The following NAV2 variants were observed in gnomAD, a reference collection of about 807,000 sequenced individuals.
NAV2 encodes helicase, APC down-regulated 1.
Under a neutral mutation model 223.2 loss-of-function variants are expected in NAV2, and 54 were observed. The ratio of observed to expected loss-of-function variants is 0.24; its 90% confidence interval spans 0.19 to 0.30. The LOEUF (loss-of-function observed/expected upper bound fraction) is 0.30. Ranked by LOEUF, NAV2 falls within the 10% of genes least tolerant of loss-of-function variation. The pLI, the probability that NAV2 is intolerant of heterozygous loss-of-function variation, is 1.00. For synonymous variants in NAV2, 1,279 were observed against 1,239.3 expected (o/e 1.03, Z -0.67); for missense variants, 2,806 against 3,147.5 (o/e 0.89, Z 2.60).
At chr11:19,884,331 C>G in intron 5 of NAV2, 1 of 1,614,078 alleles carries the variant, frequency 6.2e-7, no homozygotes, top group South Asian at 1.1e-5. Context: ...CAAAATCATC[C>G]GCTTCACTCT....
chr11:19,886,345 G>A (rs757502020), intron 5 of NAV2, among the ~76,000 whole-genome samples: 12 of 152,184 alleles, frequency 7.9e-5, no homozygotes, highest in South Asian at 2.1e-4. Flanking sequence ...CCTGGCTGGC[G>A]AGGGGAGAAA....
At chr11:19,667,506 G>C (rs2048448884) in intron 1 of NAV2, among the ~76,000 whole-genome samples, 1 of 152,226 alleles carries the variant, frequency 6.6e-6, no homozygotes, top group Admixed American at 6.5e-5. Context: ...AGACAATTCA[G>C]TTGGTGTGTT....
chr11:19,741,977 A>T (rs1285656279), intron 1 of NAV2, among the ~76,000 whole-genome samples: 1 of 150,936 alleles, frequency 6.6e-6, no homozygotes, highest in East Asian at 2.0e-4. Flanking sequence ...TTCAGGGGTT[A>T]CCTTTTCTCC....
At chr11:19,956,179 G>A (rs2047843078) in intron 10 of NAV2, among the ~76,000 whole-genome samples, 1 of 151,932 alleles carries the variant, frequency 6.6e-6, no homozygotes, top group African/African-American at 2.4e-5. Flanking sequence ...GCCAATGAAT[G>A]GAAAGTCTCT....
chr11:20,062,780 C>T (rs1410092636), intron 20 of NAV2, among the ~76,000 whole-genome samples: 4 of 152,232 alleles, frequency 2.6e-5, no homozygotes, highest in African/African-American at 7.2e-5. Context: ...CTGCAACCTC[C>T]GCCTCCTGGG....
In NAV2 at chr11:19,462,957, A is replaced by T. The variant is rs114773839; in HGVS notation, c.75+111930A>T. Among the ~76,000 whole-genome samples the T allele has an allele frequency of 8.2e-3, 1,255 of 152,260 alleles. 21 individuals are homozygous for T. The highest frequency in any genetic ancestry group is 0.029 in the African/African-American group (1,190 of 41,554). ...CCAAAATTTGGCACTTTCTGGGCTG[A>T]GGTATTCAGTATAGTATTCAGAGGA... is the stretch of plus-strand genomic sequence containing the variant. On this transcript the variant is annotated intron_variant, in intron 1 of 37. Transcript: ENST00000360655.
chr11:19,447,766 T>C (rs1230763216), intron 1 of NAV2, among the ~76,000 whole-genome samples: 1 of 152,196 alleles, frequency 6.6e-6, no homozygotes, highest in African/African-American at 2.4e-5. Flanking sequence ...CTGGGTTGAC[T>C]TGTAAGACGT....
At chr11:19,883,096 G>A (rs1012143744) in intron 5 of NAV2, among the ~76,000 whole-genome samples, 4 of 152,134 alleles carry the variant, frequency 2.6e-5, no homozygotes, top group African/African-American at 7.2e-5. Flanking sequence ...GTCAAATGTT[G>A]ATGCAAACCC....
chr11:19,558,053 C>T (rs1344834857), intron 1 of NAV2, among the ~76,000 whole-genome samples: 2 of 152,136 alleles, frequency 1.3e-5, no homozygotes, highest in Non-Finnish European at 2.9e-5. Flanking sequence ...TGCTTATAAA[C>T]GTGGGCTCTG....
chr11:19,553,876 GC>G (rs2044773842), intron 1 of NAV2, among the ~76,000 whole-genome samples: 1 of 152,212 alleles, frequency 6.6e-6, no homozygotes, highest in East Asian at 1.9e-4. Flanking sequence ...GATGGTGGAG[GC>G]CCAGAATGGG....
At chr11:19,698,328 G>T (rs1195547490) in intron 1 of NAV2, among the ~76,000 whole-genome samples, 1 of 152,176 alleles carries the variant, frequency 6.6e-6, no homozygotes, top group Non-Finnish European at 1.5e-5. Context: ...ATGTGTCGGA[G>T]GCCCTCAGTA....
chr11:19,625,781 G>C (rs1189001680), intron 1 of NAV2, among the ~76,000 whole-genome samples: 1 of 152,068 alleles, frequency 6.6e-6, no homozygotes, highest in Non-Finnish European at 1.5e-5. Flanking sequence ...GTTTTGATGT[G>C]CATTTCCCTG....
intron 1 of NAV2, among the ~76,000 whole-genome samples, chr11:19,589,250 C>G (rs1436937647): frequency 6.6e-6 from 1 of 152,132 alleles, no homozygotes; most frequent in East Asian, 1.9e-4. Flanking sequence ...ACCAACCAAC[C>G]AATCAAACGA....
chr11:19,407,367 A>G (rs990560530), intron 1 of NAV2, among the ~76,000 whole-genome samples: 5 of 152,150 alleles, frequency 3.3e-5, no homozygotes, highest in Non-Finnish European at 7.3e-5. Context: ...GTCAGAAAAG[A>G]CTTCCTGGAG....
At chr11:19,913,702 A>T (rs1364251199) in intron 6 of NAV2, among the ~76,000 whole-genome samples, 1 of 152,162 alleles carries the variant, frequency 6.6e-6, no homozygotes, top group Admixed American at 6.5e-5. Flanking sequence ...CTACTAATTC[A>T]GAGTGACCTT....
chr11:19,386,923 G>C (rs1455130808), intron 1 of NAV2, among the ~76,000 whole-genome samples: 1 of 152,080 alleles, frequency 6.6e-6, no homozygotes, highest in Non-Finnish European at 1.5e-5. Context: ...CTTTCTTTGG[G>C]GTAAAGTATA....
At chr11:20,099,959 A>G (rs1470252) in intron 31 of NAV2, among the ~76,000 whole-genome samples, 125,731 of 152,112 alleles carry the variant, frequency 0.83, 55,233 homozygotes, top group Non-Finnish European at 0.96. Context: ...AGCAGATAAG[A>G]CATCTGGGGG....
chr11:20,009,828 A>G (rs1565757991), intron 11 of NAV2, among the ~76,000 whole-genome samples: 2 of 151,960 alleles, frequency 1.3e-5, no homozygotes, highest in South Asian at 4.1e-4. Context: ...TCCTCACCCC[A>G]TCCCTTCAGG....
chr11:19,440,802 A>T (rs1207808056), intron 1 of NAV2, among the ~76,000 whole-genome samples: 1 of 152,132 alleles, frequency 6.6e-6, no homozygotes, highest in Non-Finnish European at 1.5e-5. Flanking sequence ...GCTTGGTTTA[A>T]CCTTCACCCT....
Sources: gnomAD v4.1 joint callset for allele counts (sites outside exome capture counted in the v4.1 genomes callset) on GRCh38, gnomAD v4.1.1 for gene constraint, MANE v1.5 for transcripts, NCBI Gene and HGNC (gene_info 2026-07-23, HGNC 2026-07-21) for gene names.